Variants in UMAD1 observed in about 807,000 individuals in gnomAD.
The protein encoded by UMAD1 is UBAP1-MVB12-associated (UMA) domain containing 1.
UMAD1 carries 8 observed loss-of-function variants against 6.1 expected under a neutral mutation model. The ratio of observed to expected loss-of-function variants is 1.30; its 90% CI spans 0.76 to 2.35. The LOEUF (loss-of-function observed/expected upper bound fraction) is 2.35, where lower values mean the gene tolerates loss of function less well. Among genes scored for constraint, UMAD1 ranks in the 30% most tolerant of loss-of-function variants. The pLI is 0.00. For synonymous variants in UMAD1, 56 were observed against 31.4 expected (o/e 1.78, Z -2.61); for missense variants, 130 against 78.4 (o/e 1.66, Z -2.49).
At chr7:7,790,034 G>T (rs1354798726) in intron 2 of UMAD1, among the ~76,000 whole-genome samples, 1 of 152,202 alleles carries the variant, frequency 6.6e-6, no homozygotes, top group Non-Finnish European at 1.5e-5. Context: ...GGGCGGAATT[G>T]ATGAAGGGAA....
intron 2 of UMAD1, chr7:7,689,559 C>G (rs549550916): frequency 9.9e-5 from 15 of 152,258 alleles, no homozygotes; most frequent in African/African-American, 3.1e-4. Flanking sequence ...GACAGATGTG[C>G]TTATAATGCT....
chr7:7,677,060 A>G (rs1203268184), intron 2 of UMAD1, among the ~76,000 whole-genome samples: 4 of 152,168 alleles, frequency 2.6e-5, no homozygotes, highest in Non-Finnish European at 4.4e-5. Context: ...GCTTTTATTA[A>G]CATGGACACA....
chr7:7,780,146 A>C (rs573324967), intron 2 of UMAD1, among the ~76,000 whole-genome samples: 11 of 152,318 alleles, frequency 7.2e-5, no homozygotes, highest in African/African-American at 2.6e-4. Context: ...TTCAGAACTT[A>C]AACAGGTTCC....
At chr7:7,752,655 A>AT (rs1781700169) in intron 2 of UMAD1, among the ~76,000 whole-genome samples, 1 of 152,078 alleles carries the variant, frequency 6.6e-6, no homozygotes, top group South Asian at 2.1e-4. Flanking sequence ...ATGCCAAATT[A>AT]TTTTTTAATT....
intron 2 of UMAD1, among the ~76,000 whole-genome samples, chr7:7,692,125 C>T (rs967592142): frequency 6.6e-6 from 1 of 152,134 alleles, no homozygotes; most frequent in African/African-American, 2.4e-5. Context: ...GAGTACTTCG[C>T]CCCCTTTTTC....
intron 3 of UMAD1, among the ~76,000 whole-genome samples, chr7:7,836,712 A>G (rs779509330): frequency 6.1e-4 from 93 of 152,032 alleles, no homozygotes; most frequent in Non-Finnish European, 1.2e-3. Context: ...AATTAAAAAC[A>G]GTTATTCAAT....
At chr7:7,707,347 T>C (rs1461620232) in intron 2 of UMAD1, among the ~76,000 whole-genome samples, 1 of 152,160 alleles carries the variant, frequency 6.6e-6, no homozygotes, top group African/African-American at 2.4e-5. Flanking sequence ...AATTTGTAAC[T>C]ACGGTACTTT....
chr7:7,675,350 A>G (rs933616594), intron 2 of UMAD1, among the ~76,000 whole-genome samples: 1 of 152,122 alleles, frequency 6.6e-6, no homozygotes, highest in Admixed American at 6.5e-5. Context: ...GATTTCTGAG[A>G]CAAATTTTAA....
chr7:7,767,945 A>C (rs1224904691), intron 2 of UMAD1, among the ~76,000 whole-genome samples: 3 of 152,158 alleles, frequency 2.0e-5, no homozygotes, highest in Non-Finnish European at 2.9e-5. Flanking sequence ...AGATATGTAA[A>C]TATTAATTTG....
chr7:7,753,065 G>A (rs1024882238), intron 2 of UMAD1, among the ~76,000 whole-genome samples: 3 of 152,050 alleles, frequency 2.0e-5, no homozygotes, highest in African/African-American at 7.2e-5. Flanking sequence ...TCATTTGTAA[G>A]CCCAAAAAGA....
At chr7:7,723,564 T>C (rs1430846533) in intron 2 of UMAD1, among the ~76,000 whole-genome samples, 3 of 152,014 alleles carry the variant, frequency 2.0e-5, no homozygotes, top group African/African-American at 7.3e-5. Context: ...GCTGGGAGGG[T>C]CCAGAAGATA....
rs1035840707 is a variant in UMAD1 at position 7,817,008 on chromosome 7, C to T, written c.156+15265C>T. On this transcript the variant is annotated intron_variant, in intron 3 of 3. Transcript: ENST00000682710. ...TGTCTACTGTGCATATATGGTCCTT[C>T]GTGGTCTGGTCCTGCTCCTCTGTGT... 5.3e-5 allele frequency among the ~76,000 whole-genome samples: 8 copies of T among 152,180 alleles called. No individual in the cohort carries two copies. In the South Asian group the frequency reaches 8.3e-4, roughly 16 times the overall value.
intron 3 of UMAD1, among the ~76,000 whole-genome samples, chr7:7,841,058 GC>G (rs1461621761): frequency 1.3e-5 from 2 of 152,196 alleles, no homozygotes; most frequent in Non-Finnish European, 2.9e-5. Context: ...GTGTACCTGT[GC>G]CAGGGTTGGG....
intron 2 of UMAD1, among the ~76,000 whole-genome samples, chr7:7,801,092 A>G (rs1454826010): frequency 6.6e-6 from 1 of 152,202 alleles, no homozygotes; most frequent in Non-Finnish European, 1.5e-5. Flanking sequence ...CTACTCACCA[A>G]CTTCATTTAG....
chr7:7,787,663 A>G (rs1482956272), intron 2 of UMAD1, among the ~76,000 whole-genome samples: 1 of 152,192 alleles, frequency 6.6e-6, no homozygotes, highest in Non-Finnish European at 1.5e-5. Flanking sequence ...ACAGAATACC[A>G]GAGACCTATC....
chr7:7,824,938 A>G (rs995573113), intron 3 of UMAD1, among the ~76,000 whole-genome samples: 1 of 152,124 alleles, frequency 6.6e-6, no homozygotes, highest in East Asian at 1.9e-4. Context: ...TTATTAGTTA[A>G]CTGGGTTTTG....
intron 2 of UMAD1, among the ~76,000 whole-genome samples, chr7:7,798,238 C>T (rs1362770907): frequency 1.3e-5 from 2 of 152,130 alleles, no homozygotes; most frequent in Non-Finnish European, 1.5e-5. Context: ...TTTGCCAACC[C>T]CTCGTCTAAA....
In UMAD1 at chr7:7,714,452, G is replaced by A. The variant is rs1470453389; in HGVS notation, c.82+40999G>A. ...TTGTACTTAAACATGAATAAAGAGG[G>A]AGTACTTATAGCTACGAAACTTTGT... is the stretch of plus-strand genomic sequence containing the variant. On this transcript the variant is annotated intron_variant, in intron 2 of 3. Transcript: ENST00000682710. Among the ~76,000 whole-genome samples the A allele has an allele frequency of 2.0e-5, 3 of 152,304 alleles. No individual in the cohort carries two copies. The East Asian group carries it at 5.8e-4, about 29-fold the overall frequency.
intron 2 of UMAD1, among the ~76,000 whole-genome samples, chr7:7,801,403 T>A (rs1019517136): frequency 6.6e-6 from 1 of 152,236 alleles, no homozygotes; most frequent in African/African-American, 2.4e-5. Flanking sequence ...TTATAAAATA[T>A]GAATTTATTT....
Sources: gnomAD v4.1 joint callset for allele counts (sites outside exome capture counted in the v4.1 genomes callset) on GRCh38, gnomAD v4.1.1 for gene constraint, MANE v1.5 for transcripts, NCBI Gene and HGNC (gene_info 2026-07-23, HGNC 2026-07-21) for gene names.